Variants in SLCO1B1 observed in about 807,000 individuals in gnomAD.
SLCO1B1 encodes the protein OATP-2.
SLCO1B1 carries 81 observed loss-of-function variants against 70.1 expected under a neutral mutation model. The observed-to-expected ratio is 1.16, with a 90% confidence interval of 0.97 to 1.39. SLCO1B1 has a LOEUF of 1.39. SLCO1B1 is among the 40% of genes most tolerant of loss of function. The pLI is 0.00. For synonymous variants in SLCO1B1, 283 were observed against 271.5 expected (o/e 1.04, Z -0.42); for missense variants, 895 against 799.6 (o/e 1.12, Z -1.44).
intron 7 of SLCO1B1, among the ~76,000 whole-genome samples, chr12:21,184,137 G>C (rs1375955765): frequency 6.6e-6 from 1 of 152,066 alleles, no homozygotes; most frequent in African/African-American, 2.4e-5. Context: ...TGGAATTCCT[G>C]AGAGAGAAAA....
At chr12:21,166,260 G>T (rs1219070582) in intron 2 of SLCO1B1, among the ~76,000 whole-genome samples, 1 of 151,818 alleles carries the variant, frequency 6.6e-6, no homozygotes, top group Non-Finnish European at 1.5e-5. Flanking sequence ...AACTGTCAAA[G>T]GCCAAAAAAA....
At chr12:21,238,158 T>C (rs1481271455) in intron 14 of SLCO1B1, among the ~76,000 whole-genome samples, 1 of 152,204 alleles carries the variant, frequency 6.6e-6, no homozygotes, top group Non-Finnish European at 1.5e-5. Context: ...CTCTTTGCTT[T>C]TCAGTTTTGG....
intron 13 of SLCO1B1, among the ~76,000 whole-genome samples, chr12:21,224,335 C>T (rs1941461485): frequency 6.6e-6 from 1 of 152,018 alleles, no homozygotes; most frequent in Non-Finnish European, 1.5e-5. Flanking sequence ...TTTCCTTTCC[C>T]CATAAAATTG....
chr12:21,199,836 C>T (rs1473661601), intron 8 of SLCO1B1, among the ~76,000 whole-genome samples: 1 of 151,782 alleles, frequency 6.6e-6, no homozygotes, highest in Non-Finnish European at 1.5e-5. Flanking sequence ...TCTTGTTGCT[C>T]TATTGCCTAG....
intron 2 of SLCO1B1, among the ~76,000 whole-genome samples, chr12:21,159,599 A>C (rs1940587172): frequency 6.6e-6 from 1 of 152,184 alleles, no homozygotes; most frequent in Non-Finnish European, 1.5e-5. Flanking sequence ...GTAAATTGAG[A>C]AAATTCCTAT....
intron 2 of SLCO1B1, among the ~76,000 whole-genome samples, chr12:21,148,312 G>C (rs1303630963): frequency 6.6e-6 from 1 of 152,072 alleles, no homozygotes. Context: ...GTATTGCCTA[G>C]GTTTTGTTCT....
chr12:21,157,722 C>T (rs113715933), intron 2 of SLCO1B1, among the ~76,000 whole-genome samples: 3,937 of 151,878 alleles, frequency 0.026, 193 homozygotes, highest in African/African-American at 0.09. Flanking sequence ...CTGCCTCAGC[C>T]TCCCAAGTAG....
intron 11 of SLCO1B1, among the ~76,000 whole-genome samples, chr12:21,215,941 GTTGGATGGTTCATT>G (rs1337905964): frequency 6.6e-6 from 1 of 152,026 alleles, no homozygotes; most frequent in East Asian, 1.9e-4. Context: ...TTGGATGGTT[GTTGGATGGTTCATT>G]TTGGATGGTT....
At chr12:21,172,838 A>AT (rs1279719949) in intron 3 of SLCO1B1, 47 bp downstream of exon 3, 4 of 1,539,430 alleles carry the variant, frequency 2.6e-6, no homozygotes, top group Non-Finnish European at 3.6e-6. Flanking sequence ...AAAGTTAAAA[A>AT]ATATATATGC....
intron 1 of SLCO1B1, among the ~76,000 whole-genome samples, chr12:21,139,428 A>G (rs1940276651): frequency 6.6e-6 from 1 of 152,134 alleles, no homozygotes; most frequent in African/African-American, 2.4e-5. Context: ...GTACACATGT[A>G]TGGGTTTCTG....
At chr12:21,185,350 T>C (rs35406304) in intron 7 of SLCO1B1, among the ~76,000 whole-genome samples, 18,573 of 152,144 alleles carry the variant, frequency 0.12, 1,513 homozygotes, top group Non-Finnish European at 0.18. Context: ...AAATCAATCA[T>C]ATGCTCAGTC....
chr12:21,154,607 A>G (rs1412198581), intron 2 of SLCO1B1, among the ~76,000 whole-genome samples: 2 of 152,038 alleles, frequency 1.3e-5, no homozygotes, highest in Non-Finnish European at 2.9e-5. Context: ...TGGATTTTCA[A>G]TCTAAAATTT....
At chr12:21,157,602 T>A (rs1231253945) in intron 2 of SLCO1B1, among the ~76,000 whole-genome samples, 10 of 117,336 alleles carry the variant, frequency 8.5e-5, no homozygotes, top group African/African-American at 1.8e-4. Context: ...ACTGTAAAAT[T>A]TTTTTTTTTT....
intron 14 of SLCO1B1, among the ~76,000 whole-genome samples, chr12:21,234,140 G>T (rs1415721426): frequency 2.6e-5 from 4 of 152,084 alleles, no homozygotes; most frequent in Non-Finnish European, 4.4e-5. Context: ...GGGTAGGGGG[G>T]CCAGTGAGTC....
At chr12:21,233,547 G>T (rs367885201) in intron 14 of SLCO1B1, among the ~76,000 whole-genome samples, 1 of 130,318 alleles carries the variant, frequency 7.7e-6, no homozygotes, top group East Asian at 2.2e-4. Flanking sequence ...GCTGAACTGA[G>T]ACCTCAAAAA....
intron 2 of SLCO1B1, among the ~76,000 whole-genome samples, chr12:21,153,633 A>G (rs572195257): frequency 2.0e-5 from 3 of 152,202 alleles, no homozygotes; most frequent in African/African-American, 4.8e-5. Flanking sequence ...CAGATCTTCT[A>G]TGTCCTTGCT....
intron 4 of SLCO1B1, among the ~76,000 whole-genome samples, chr12:21,175,560 A>G (rs1940809559): frequency 6.6e-6 from 1 of 152,130 alleles, no homozygotes; most frequent in East Asian, 1.9e-4. Context: ...AGAGACACCA[A>G]TTACTTACTC....
rs1175413819 is a variant in SLCO1B1 at position 21,200,567 on chromosome 12, T to C, written c.1030T>C (p.Leu344=). The C allele has an allele frequency of 1.9e-6, 3 of 1,608,838 alleles. No individual in the cohort carries two copies. Among genetic ancestry groups the C allele is most frequent in the Non-Finnish European group, 2.5e-6 (3 of 1,176,672 alleles). ...TNPLYVMFVL[L]TLLQVSSYIG... The stretch of plus-strand genomic sequence containing the variant: ...TCCCCTGTATGTTATGTTTGTGCTT[T>C]TGACGTTGTTACAAGTAAGCAGCTA... Residue 344 remains leucine (L), a synonymous_variant, in exon 9 of 15, where the codon TTG becomes CTG. Transcript: ENST00000256958.
chr12:21,212,927 C>T (rs1399744652), intron 11 of SLCO1B1, among the ~76,000 whole-genome samples: 1 of 151,988 alleles, frequency 6.6e-6, no homozygotes, highest in Non-Finnish European at 1.5e-5. Context: ...GTAGATCTTC[C>T]TCCATCCTTT....
Sources: allele counts gnomAD v4.1 joint callset (sites outside exome capture counted in the v4.1 genomes callset), GRCh38; gene constraint gnomAD v4.1.1; transcripts MANE v1.5; gene names NCBI Gene and HGNC (gene_info 2026-07-23, HGNC 2026-07-21).